Variants in SPDYE4 observed in about 807,000 individuals in gnomAD.
SPDYE4 encodes the protein speedy/RINGO cell cycle regulator family member E4, also known as speedy protein E4.
SPDYE4 carries 30 observed loss-of-function variants against 37.5 expected under a neutral mutation model. The observed-to-expected ratio is 0.80, with a 90% CI of 0.60 to 1.09. The LOEUF (loss-of-function observed/expected upper bound fraction) is 1.09. Among genes scored for constraint, SPDYE4 ranks in the 50% least tolerant of loss-of-function variants. The pLI, the probability that SPDYE4 is intolerant of heterozygous loss-of-function variation, is 0.00. For synonymous variants in SPDYE4, 131 were observed against 120.3 expected (o/e 1.09, Z -0.58); for missense variants, 300 against 307.9 (o/e 0.97, Z 0.19).
At position 8,758,448 on chromosome 17, in the gene SPDYE4, C is replaced by T; in HGVS notation, c.-66G>A. The T allele has an allele frequency of 1.4e-6, 2 of 1,436,092 alleles. No homozygotes were observed. The highest frequency in any genetic ancestry group is 1.4e-5 in the African/African-American group (1 of 70,860). The allele number at this position is 1,436,092 out of a possible 1,614,324, so 89.0% of individuals were successfully genotyped here. A position where few individuals can be genotyped will look rare whatever the true frequency, so the allele number is the denominator to read the frequency against. Reference sequence around the variant, plus strand: ...TCCCTGTTCTGTCCAAAGCCTTCTTCCAGACTCCGTTAGGACCCAGAAGAG... The same window carrying T: ...TCCCTGTTCTGTCCAAAGCCTTCTTTCAGACTCCGTTAGGACCCAGAAGAG... On this transcript the variant is annotated 5_prime_UTR_variant, in exon 1 of 7. Coordinates refer to ENST00000689094, the MANE Select transcript of SPDYE4 (RefSeq NM_001394956.1).
At position 8,756,370 on chromosome 17, in the gene SPDYE4, AACCTT is replaced by A; in HGVS notation, c.399+3_399+7del. On this transcript the variant is annotated splice_donor_5th_base_variant and intron_variant, in intron 3 of 6. Coordinates refer to ENST00000689094, the MANE Select transcript of SPDYE4 (RefSeq NM_001394956.1). ...GCAGGAACACAGTTGAGTGGAGAACAACCTTACCTTGTCTGACACCCTCAGGTCTT... is the reference window on the plus strand; with the variant it reads ...GCAGGAACACAGTTGAGTGGAGAACAACCTTGTCTGACACCCTCAGGTCTT... The A allele has an allele frequency of 6.2e-7, 1 of 1,613,366 alleles. No homozygotes were observed. Among genetic ancestry groups the A allele is most frequent in the Non-Finnish European group, 8.5e-7 (1 of 1,179,574 alleles).
At chr17:8,754,758 GCTGTGGGGTTGAA>G (rs1458899444) in intron 4 of SPDYE4, among the ~76,000 whole-genome samples, 1 of 152,176 alleles carries the variant, frequency 6.6e-6, no homozygotes, top group Non-Finnish European at 1.5e-5. Context: ...CATTGCAAAG[GCTGTGGGGTTGAA>G]CTGACTTTAA....
chr17:8,756,000 C>T (rs986537685), intron 3 of SPDYE4, among the ~76,000 whole-genome samples: 15 of 152,236 alleles, frequency 9.9e-5, no homozygotes, highest in African/African-American at 3.1e-4. Context: ...AGGCAGGGGC[C>T]ACCCATCAAC....
chr17:8,749,151 T>C (rs527242611), downstream of SPDYE4, among the ~76,000 whole-genome samples: 1 of 151,334 alleles, frequency 6.6e-6, no homozygotes, highest in South Asian at 2.1e-4. Context: ...TGGAGTGCAG[T>C]GGTATGATCA....
chr17:8,750,848 C>T (rs902922258), downstream of SPDYE4, among the ~76,000 whole-genome samples: 2 of 152,204 alleles, frequency 1.3e-5, no homozygotes, highest in South Asian at 2.1e-4. Context: ...TGGTCACAGT[C>T]GTTGTGAAGA....
Position 8,753,379 on chromosome 17 carries a change from T to A in SPDYE4, c.596A>T (p.Tyr199Phe), listed in dbSNP as rs202236200. The A allele has an allele frequency of 1.3e-6, 2 of 1,564,120 alleles. No individual in the cohort carries two copies. Among genetic ancestry groups the A allele is most frequent in the East Asian group, 4.8e-5 (2 of 41,674 alleles). Residue 199 changes from tyrosine (Y) to phenylalanine (F), a missense_variant, in exon 5 of 7, where the codon TAC becomes TTC. Physicochemically the swap from Tyr to Phe is conservative, Grantham distance 22 (BLOSUM62 3). Transcript: ENST00000689094. ...SQRPLFHKLR[Y>F]QLLCSMRWRT... is the part of the protein sequence containing the mutation. ...CCAGCGCATGGAACAGAGGAGCTGG[T>A]ATCGAAGCTTATGGAACAAGGGTCG...
rs555868095 is a variant in SPDYE4, at chr17:8,753,461, T to C, written c.514A>G (p.Asn172Asp). 2 of 1,613,674 alleles carry C rather than the reference T, an allele frequency of 1.2e-6. No homozygotes were observed. The highest frequency in any genetic ancestry group is 2.7e-5 in the African/African-American group (2 of 75,030). The change falls in exon 5 of 7, where the codon AAC (asparagine) becomes GAC (aspartate). Residue 172 changes from asparagine (N) to aspartate (D), a missense_variant. Physicochemically the swap from Asn to Asp is conservative, Grantham distance 23 (BLOSUM62 1). Coordinates refer to ENST00000689094, the MANE Select transcript of SPDYE4 (RefSeq NM_001394956.1). Reference sequence around the variant, plus strand: ...AAGATGTCTTGTTTCGGGGCCTGGTTGTCCTCCTCCATGTCACTGGCCAGG... The same window carrying C: ...AAGATGTCTTGTTTCGGGGCCTGGTCGTCCTCCTCCATGTCACTGGCCAGG... ...LYLASDMEEDNQAPKQDIFSF... is the reference protein window; with the variant it reads ...LYLASDMEEDDQAPKQDIFSF...
At chr17:8,757,983 G>A (rs557246977) in intron 1 of SPDYE4, among the ~76,000 whole-genome samples, 2 of 151,982 alleles carry the variant, frequency 1.3e-5, no homozygotes, top group Admixed American at 6.6e-5. Flanking sequence ...GGGTTTCATC[G>A]TGTTAACCAG....
chr17:8,757,378 G>A lies in SPDYE4; in HGVS notation c.224C>T (p.Pro75Leu). The A allele has an allele frequency of 6.3e-7, 1 of 1,594,102 alleles. No individual in the cohort carries two copies. The highest frequency in any genetic ancestry group is 1.8e-5 in the Admixed American group (1 of 55,854). The stretch of plus-strand genomic sequence containing the variant: ...CACCACCCAGGTGTCCTCGGGCTCA[G>A]GGGCGCGCTCCAACTCCAGCTCCTC... ...LEEELELERAPEPEDTWVVET... is the reference protein window; with the variant it reads ...LEEELELERALEPEDTWVVET... Residue 75 changes from proline (P) to leucine (L), a missense_variant, in exon 2 of 7, where the codon CCT becomes CTT. Transcript: ENST00000689094.
At chr17:8,753,614 G>C (rs2086748814) in intron 4 of SPDYE4, 125 bp from the exon 5 acceptor site, 1 of 1,170,832 alleles carries the variant, frequency 8.5e-7, no homozygotes, top group Non-Finnish European at 1.2e-6. Flanking sequence ...GCCCTGCAGA[G>C]AGCCCTGCCT....
Position 8,756,411 on chromosome 17 carries a change from C to T in SPDYE4, c.366G>A (p.Leu122=). ...LLGDPVVQKF[L]AWDKDLRVSD... ...ACACCCTCAGGTCTTTGTCCCAGGC[C>T]AGGAATTTTTGAACGACAGGATCCC... is the stretch of plus-strand genomic sequence containing the variant. Residue 122 remains leucine, a synonymous_variant, in exon 3 of 7, where the codon CTG becomes CTA. Coordinates refer to ENST00000689094, the MANE Select transcript of SPDYE4 (RefSeq NM_001394956.1). 6.2e-7 allele frequency: 1 copy of T among 1,613,996 alleles called. No individual in the cohort carries two copies. Among genetic ancestry groups the T allele is most frequent in the Non-Finnish European group, 8.5e-7 (1 of 1,179,944 alleles).
chr17:8,750,100 T>G (rs1212704155), downstream of SPDYE4, among the ~76,000 whole-genome samples: 1 of 152,200 alleles, frequency 6.6e-6, no homozygotes, highest in Non-Finnish European at 1.5e-5. Context: ...TTTTACTGTA[T>G]GGGCCAAATG....
intron 3 of SPDYE4, among the ~76,000 whole-genome samples, chr17:8,756,091 C>T (rs1045518246): frequency 5.3e-5 from 8 of 152,216 alleles, no homozygotes; most frequent in South Asian, 2.1e-4. Context: ...CGGTGACTCA[C>T]GCCTGGAGTC....
intron 4 of SPDYE4, among the ~76,000 whole-genome samples, chr17:8,754,051 G>A (rs1409696939): frequency 8.5e-5 from 13 of 152,128 alleles, no homozygotes; most frequent in Non-Finnish European, 1.0e-4. Context: ...AGAGGGCTTT[G>A]TTTATCTTGG....
At chr17:8,752,835 C>T (rs1183450765) in intron 6 of SPDYE4, among the ~76,000 whole-genome samples, 2 of 152,170 alleles carry the variant, frequency 1.3e-5, no homozygotes, top group African/African-American at 4.8e-5. Flanking sequence ...GTCACTCTGT[C>T]GTCCCGGCTG....
intron 2 of SPDYE4, 124 bp from the exon 3 acceptor site, chr17:8,756,560 G>T: frequency 1.2e-6 from 1 of 864,842 alleles, no homozygotes; most frequent in Non-Finnish European, 1.9e-6. Flanking sequence ...GGCTTAGGTG[G>T]ATGGGAGAGG....
downstream of SPDYE4, among the ~76,000 whole-genome samples, chr17:8,749,936 G>A (rs971142309): frequency 5.3e-5 from 8 of 152,136 alleles, no homozygotes; most frequent in African/African-American, 1.2e-4. Flanking sequence ...TGCATTCTAG[G>A]CTCAGCCATG....
intron 5 of SPDYE4, 36 bp downstream of exon 5, chr17:8,753,285 C>CG: frequency 7.2e-7 from 1 of 1,392,122 alleles, no homozygotes; most frequent in Non-Finnish European, 9.7e-7. Flanking sequence ...CACCCCATCC[C>CG]TCCCCACCCC....
downstream of SPDYE4, among the ~76,000 whole-genome samples, chr17:8,748,623 T>A (rs9893908): frequency 0.055 from 8,379 of 152,268 alleles, 664 homozygotes; most frequent in African/African-American, 0.18. Flanking sequence ...ATATTACCAA[T>A]CTCTTAAATT....
Sources: gnomAD v4.1 joint callset for allele counts (sites outside exome capture counted in the v4.1 genomes callset) on GRCh38, gnomAD v4.1.1 for gene constraint, MANE v1.5 for transcripts, NCBI Gene and HGNC (gene_info 2026-07-23, HGNC 2026-07-21) for gene names.